The following MTFR1 variants were observed in gnomAD, a reference collection of about 807,000 sequenced individuals.
The protein encoded by MTFR1 is chondrocyte protein with a poly-proline region.
Under a neutral mutation model 38.8 loss-of-function variants are expected in MTFR1, and 28 were observed. The observed-to-expected ratio is 0.72, with a 90% CI of 0.53 to 0.99. The LOEUF is 0.99. Ranked by LOEUF, MTFR1 falls within the 50% of genes least tolerant of loss-of-function variation. The probability of loss-of-function intolerance (pLI) is 0.00; values close to 1 mark genes in which losing one functional copy is unlikely to be tolerated. For missense variants in MTFR1, 358 were observed against 395.5 expected, an observed-to-expected ratio of 0.91 and a Z score of 0.81; for synonymous variants, 145 against 137.0, an observed-to-expected ratio of 1.06 and a Z score of -0.41.
chr8:65,659,057 G>A (rs117068576), intron 1 of MTFR1, among the ~76,000 whole-genome samples: 2,853 of 152,286 alleles, frequency 0.019, 38 homozygotes, highest in Middle Eastern at 0.044. Context: ...AAGATACAGA[G>A]TTGGGGGATG....
At chr8:65,768,430 G>C (rs1487071516) in intron 3 of MTFR1, among the ~76,000 whole-genome samples, 1 of 152,130 alleles carries the variant, frequency 6.6e-6, no homozygotes, top group Non-Finnish European at 1.5e-5. Context: ...AGATCTCATG[G>C]TTTTAAAAAG....
intron 3 of MTFR1, among the ~76,000 whole-genome samples, chr8:65,750,397 A>G (rs1331727271): frequency 1.3e-5 from 2 of 151,962 alleles, no homozygotes; most frequent in Non-Finnish European, 2.9e-5. Flanking sequence ...AAAGGTAACA[A>G]TTTTATTACT....
chr8:65,651,251 TTCAGTTTATTGATTATTTCATTTGCTA>T (rs1337110628), intron 1 of MTFR1, among the ~76,000 whole-genome samples: 2 of 152,240 alleles, frequency 1.3e-5, no homozygotes, highest in Admixed American at 6.5e-5. Context: ...GGGTTGTCTC[TTCAGTTTATTGATTATTTCATTTGCTA>T]TGCAGAAGCT....
chr8:65,688,716 A>G (rs1448728337), intron 3 of MTFR1, among the ~76,000 whole-genome samples: 1 of 151,070 alleles, frequency 6.6e-6, no homozygotes, highest in Non-Finnish European at 1.5e-5. Context: ...AAGTACTGGG[A>G]TTACAGGCGT....
intron 4 of MTFR1, among the ~76,000 whole-genome samples, chr8:65,695,806 G>A (rs557874327): frequency 9.3e-4 from 141 of 152,254 alleles, no homozygotes; most frequent in Non-Finnish European, 1.5e-3. Context: ...TGGTAAGGAA[G>A]GCCTATACTC....
chr8:65,667,838 T>C lies in MTFR1; in HGVS notation c.-80-2035T>C, dbSNP rs76990319. Among the ~76,000 whole-genome samples, 1,453 of 152,310 alleles carry C rather than the reference T, an allele frequency of 9.5e-3. 9 individuals carry two copies. Among genetic ancestry groups the C allele is most frequent in the East Asian group, 0.042 (220 of 5,180 alleles). On this transcript the variant is annotated intron_variant, in intron 1 of 7. Transcript: ENST00000262146. ...ATGTTTCTTTTTCCCTTTTTCCCAA[T>C]ATAAGCTTTTAGCTCAGATTCTCAT...
At chr8:65,681,430 G>C (rs1223559729) in intron 2 of MTFR1, among the ~76,000 whole-genome samples, 1 of 152,142 alleles carries the variant, frequency 6.6e-6, no homozygotes, top group Non-Finnish European at 1.5e-5. Context: ...TTACATAACT[G>C]AATGTTAAAG....
At chr8:65,701,808 T>A (rs964422023) in intron 4 of MTFR1, among the ~76,000 whole-genome samples, 4 of 151,954 alleles carry the variant, frequency 2.6e-5, no homozygotes, top group African/African-American at 9.7e-5. Context: ...CAAGAGTCCA[T>A]AGGAAATACT....
chr8:65,769,666 C>T (rs1452265731), intron 3 of MTFR1, among the ~76,000 whole-genome samples: 1 of 152,096 alleles, frequency 6.6e-6, no homozygotes, highest in Admixed American at 6.6e-5. Flanking sequence ...GAGGCTGACG[C>T]AGGCAGATGA....
intron 5 of MTFR1, among the ~76,000 whole-genome samples, chr8:65,705,322 C>T (rs1805752266): frequency 6.6e-6 from 1 of 152,118 alleles, no homozygotes; most frequent in Non-Finnish European, 1.5e-5. Flanking sequence ...GGCTTCTTCT[C>T]AAAACTAAAC....
At chr8:65,669,164 G>A (rs1804486880) in intron 1 of MTFR1, among the ~76,000 whole-genome samples, 2 of 152,086 alleles carry the variant, frequency 1.3e-5, no homozygotes, top group Non-Finnish European at 2.9e-5. Flanking sequence ...CTTTTGCTAC[G>A]ACACGTGAGC....
chr8:65,662,753 C>A (rs199723061), intron 1 of MTFR1, among the ~76,000 whole-genome samples: 1,850 of 107,394 alleles, frequency 0.017, 14 homozygotes, highest in Non-Finnish European at 0.02. Context: ...CGGCAGCCAC[C>A]CCGTCTGGGA....
chr8:65,739,503 T>TA, intron 3 of MTFR1: 1 of 1,551,754 alleles, frequency 6.4e-7, no homozygotes, highest in Non-Finnish European at 8.6e-7. Flanking sequence ...ATCACTTACC[T>TA]AAAAATCTAC....
chr8:65,744,553 C>T (rs371143419), intron 3 of MTFR1, among the ~76,000 whole-genome samples: 65 of 152,226 alleles, frequency 4.3e-4, no homozygotes, highest in African/African-American at 1.5e-3. Flanking sequence ...GGCATTTTCC[C>T]CCAAACCACC....
chr8:65,677,489 TCTC>T (rs1804748881), intron 2 of MTFR1, among the ~76,000 whole-genome samples: 1 of 144,188 alleles, frequency 6.9e-6, no homozygotes, highest in African/African-American at 2.6e-5. Flanking sequence ...TTTAAGCTAT[TCTC>T]CTGCCTTAGC....
At chr8:65,711,381 AACCAT>A (rs1212123631), downstream of MTFR1, among the ~76,000 whole-genome samples, 1 of 151,430 alleles carries the variant, frequency 6.6e-6, no homozygotes, top group African/African-American at 2.4e-5. Context: ...ACTTTGAAAA[AACCAT>A]AGTTCTGATA....
intron 3 of MTFR1, chr8:65,720,361 CATTCTG>C (rs1263323805): frequency 6.5e-6 from 1 of 154,086 alleles, no homozygotes; most frequent in Non-Finnish European, 1.5e-5. Flanking sequence ...GGAAAATATA[CATTCTG>C]ATTCTATCAC....
intron 3 of MTFR1, among the ~76,000 whole-genome samples, chr8:65,686,531 GTTCATGCTAC>G (rs964413881): frequency 1.4e-5 from 2 of 140,118 alleles, no homozygotes; most frequent in African/African-American, 5.3e-5. Flanking sequence ...AGTGAGCCGA[GTTCATGCTAC>G]TGCACTCCAG....
intron 3 of MTFR1, among the ~76,000 whole-genome samples, chr8:65,740,846 T>C (rs6995183): frequency 0.72 from 108,822 of 151,960 alleles, 39,167 homozygotes; most frequent in South Asian, 0.75. Context: ...TTCAGACATG[T>C]TCTAGATTCT....
Sources: gnomAD v4.1 joint callset for allele counts (sites outside exome capture counted in the v4.1 genomes callset) on GRCh38, gnomAD v4.1.1 for gene constraint, MANE v1.5 for transcripts, NCBI Gene and HGNC (gene_info 2026-07-23, HGNC 2026-07-21) for gene names.